GPHN: variants seen among roughly 807,000 people sequenced by gnomAD.
GPHN encodes the protein gephyrin.
Under a neutral mutation model 95.5 loss-of-function variants are expected in GPHN, and 17 were observed. That is an observed-to-expected ratio of 0.18 (90% CI 0.12 to 0.27). The LOEUF (loss-of-function observed/expected upper bound fraction) is 0.27. Among genes scored for constraint, GPHN ranks in the 10% least tolerant of loss-of-function variants. The pLI is 1.00. For synonymous variants in GPHN, 320 were observed against 322.5 expected (o/e 0.99, Z 0.08); for missense variants, 660 against 978.1 (o/e 0.67, Z 4.34).
the GPHN span, among the ~76,000 whole-genome samples, chr14:67,489,941 G>A: frequency 6.6e-6 from 1 of 150,986 alleles, no homozygotes; most frequent in African/African-American, 2.4e-5. Flanking sequence ...AGTGATCTGA[G>A]ACCACGCCAC....
chr14:67,373,395 G>A, the GPHN span, among the ~76,000 whole-genome samples: 2 of 152,164 alleles, frequency 1.3e-5, no homozygotes, highest in African/African-American at 4.8e-5. Context: ...ACAGAATATA[G>A]GAGGAAAACT....
At chr14:67,345,743 G>A in the GPHN span, 9 of 1,517,228 alleles carry the variant, frequency 5.9e-6, no homozygotes, top group East Asian at 2.0e-4. Context: ...AACTACAGGA[G>A]TTCTCCAGGT....
intron 8 of GPHN, among the ~76,000 whole-genome samples, chr14:66,944,324 T>C (rs776717265): frequency 1.1e-4 from 17 of 152,192 alleles, no homozygotes; most frequent in Non-Finnish European, 1.6e-4. Flanking sequence ...AAAGGACTCA[T>C]TGAATCCCAG....
chr14:66,827,392 AAT>A (rs1382081309), intron 4 of GPHN, among the ~76,000 whole-genome samples: 3 of 152,062 alleles, frequency 2.0e-5, no homozygotes, highest in African/African-American at 7.2e-5. Context: ...TGAGTTCTAT[AAT>A]AAGTCAGGAA....
chr14:67,202,548 C>G, the GPHN span, among the ~76,000 whole-genome samples: 8 of 152,148 alleles, frequency 5.3e-5, no homozygotes, highest in African/African-American at 1.9e-4. Flanking sequence ...CTACATTTTA[C>G]TGTTGTCTAT....
chr14:67,656,666 C>G, the GPHN span: 1 of 1,469,692 alleles, frequency 6.8e-7, no homozygotes, highest in South Asian at 1.4e-5. Context: ...CATCACCTTC[C>G]CCATGTTAGA....
chr14:67,455,205 C>T, the GPHN span, among the ~76,000 whole-genome samples: 1 of 152,178 alleles, frequency 6.6e-6, no homozygotes, highest in Non-Finnish European at 1.5e-5. Context: ...TGCCCAGCCT[C>T]GCCAAGGTGC....
intron 11 of GPHN, among the ~76,000 whole-genome samples, chr14:67,087,042 A>C (rs984619243): frequency 1.3e-5 from 2 of 151,620 alleles, no homozygotes; most frequent in Non-Finnish European, 2.9e-5. Flanking sequence ...TGTCTCAAAA[A>C]AAAAAAAAAA....
intron 18 of GPHN, among the ~76,000 whole-genome samples, chr14:67,150,219 G>A (rs975794346): frequency 4.6e-5 from 7 of 151,716 alleles, no homozygotes; most frequent in Non-Finnish European, 8.8e-5. Context: ...GAGGCGGGCG[G>A]ATCACGAGAT....
Position 66,809,342 on chromosome 14 carries a change from C to T in GPHN, c.202-15132C>T, listed in dbSNP as rs141485801. On this transcript the variant is annotated intron_variant, in intron 3 of 22. Transcript: ENST00000478722. ...ATTGTGACCTTATGTGTATCTTAAC[C>T]ATTCAGAGTTTTCCTAAATAATAAT... 6.6e-4 allele frequency among the ~76,000 whole-genome samples: 100 copies of T among 152,104 alleles called. No homozygotes were observed. In the East Asian group the frequency reaches 0.016, roughly 25 times the overall value.
At chr14:66,913,747 C>G (rs2065784757) in intron 5 of GPHN, among the ~76,000 whole-genome samples, 1 of 152,032 alleles carries the variant, frequency 6.6e-6, no homozygotes, top group South Asian at 2.1e-4. Context: ...TTATAAACTT[C>G]TTAAGCATTT....
At chr14:66,760,832 A>G in intron 2 of GPHN, 1 of 559,044 alleles carries the variant, frequency 1.8e-6, no homozygotes, top group South Asian at 1.5e-5. Context: ...GAGATCAAGC[A>G]GAAATGCCAA....
chr14:66,684,849 C>T (rs1469221393), intron 2 of GPHN, among the ~76,000 whole-genome samples: 1 of 151,916 alleles, frequency 6.6e-6, no homozygotes, highest in African/African-American at 2.4e-5. Context: ...GTGCTGCACT[C>T]ATTAACTCGT....
the GPHN span, among the ~76,000 whole-genome samples, chr14:67,255,409 A>C: frequency 6.6e-6 from 1 of 152,054 alleles, no homozygotes; most frequent in African/African-American, 2.4e-5. Context: ...TCTTTTTTGG[A>C]ATTTTTCATA....
At chr14:67,117,783 T>G (rs1416960627) in intron 16 of GPHN, among the ~76,000 whole-genome samples, 2 of 152,036 alleles carry the variant, frequency 1.3e-5, no homozygotes. Flanking sequence ...ATATCAGCTG[T>G]CTTTGGGAGT....
intron 11 of GPHN, among the ~76,000 whole-genome samples, chr14:67,076,140 T>C (rs72715339): frequency 0.067 from 10,121 of 152,102 alleles, 359 homozygotes; most frequent in Middle Eastern, 0.085. Context: ...CACAAGCAAC[T>C]ACCACCCAGA....
chr14:67,453,299 A>G, the GPHN span, among the ~76,000 whole-genome samples: 2 of 152,132 alleles, frequency 1.3e-5, no homozygotes, highest in Non-Finnish European at 2.9e-5. Flanking sequence ...AGGCATCCTG[A>G]GCCTGCCAGC....
intron 17 of GPHN, among the ~76,000 whole-genome samples, chr14:67,133,347 C>G (rs142911904): frequency 1.3e-5 from 2 of 152,188 alleles, no homozygotes; most frequent in Admixed American, 1.3e-4. Context: ...TAATTAGCAG[C>G]TGTTGTCCAT....
At chr14:67,600,069 G>A in the GPHN span, 6 of 1,591,500 alleles carry the variant, frequency 3.8e-6, no homozygotes, top group African/African-American at 6.7e-5. Flanking sequence ...ACACCGTGCA[G>A]GTGACAGCGG....
Sources: gnomAD v4.1 joint callset for allele counts (sites outside exome capture counted in the v4.1 genomes callset) on GRCh38, gnomAD v4.1.1 for gene constraint, MANE v1.5 for transcripts, NCBI Gene and HGNC (gene_info 2026-07-23, HGNC 2026-07-21) for gene names.